LRRC4C: variants seen among roughly 807,000 people sequenced by gnomAD.
LRRC4C encodes leucine-rich repeat-containing protein 4C.
LRRC4C carries 5 observed loss-of-function variants against 33.6 expected under a neutral mutation model. The ratio of observed to expected loss-of-function variants is 0.15; its 90% confidence interval spans 0.08 to 0.31. LRRC4C has a LOEUF of 0.31. LRRC4C is among the 10% of genes least tolerant of loss of function. LRRC4C has a pLI of 1.00. For missense variants in LRRC4C, 560 were observed against 796.7 expected (o/e 0.70, Z 3.58); for synonymous variants, 329 against 302.0 (o/e 1.09, Z -0.93).
chr11:40,655,025 T>C (rs1463340306), intron 2 of LRRC4C, among the ~76,000 whole-genome samples: 1 of 152,194 alleles, frequency 6.6e-6, no homozygotes, highest in Non-Finnish European at 1.5e-5. Flanking sequence ...TCCTGAGGCC[T>C]CCCCAGCCAT....
chr11:41,153,339 CT>C (rs1232177007), intron 1 of LRRC4C, among the ~76,000 whole-genome samples: 1 of 152,084 alleles, frequency 6.6e-6, no homozygotes, highest in African/African-American at 2.4e-5. Context: ...TTTTTCTCAT[CT>C]TTGCATCCCT....
At chr11:40,443,622 T>C (rs1160035565) in intron 3 of LRRC4C, among the ~76,000 whole-genome samples, 3 of 152,206 alleles carry the variant, frequency 2.0e-5, no homozygotes, top group Non-Finnish European at 2.9e-5. Flanking sequence ...AGTATTTACA[T>C]AGCATATTTT....
chr11:41,173,725 A>G (rs1945076746), intron 1 of LRRC4C, among the ~76,000 whole-genome samples: 1 of 152,072 alleles, frequency 6.6e-6, no homozygotes, highest in Non-Finnish European at 1.5e-5. Flanking sequence ...CTTGTCACTA[A>G]TCTGCCACCC....
chr11:40,586,793 G>A (rs554958534), intron 3 of LRRC4C, among the ~76,000 whole-genome samples: 33 of 151,924 alleles, frequency 2.2e-4, no homozygotes, highest in African/African-American at 5.1e-4. Flanking sequence ...GTATATATGC[G>A]GCGTTATTTC....
chr11:40,914,642 C>A (rs1441904355), intron 2 of LRRC4C, among the ~76,000 whole-genome samples: 3 of 152,182 alleles, frequency 2.0e-5, no homozygotes, highest in African/African-American at 7.2e-5. Flanking sequence ...TGGCACAAGA[C>A]AGGGATGCCC....
chr11:40,941,028 C>T (rs764114176), intron 1 of LRRC4C, among the ~76,000 whole-genome samples: 11 of 147,778 alleles, frequency 7.4e-5, no homozygotes, highest in South Asian at 2.1e-4. Flanking sequence ...ATCTTAAATA[C>T]GAAAAATGAA....
At chr11:40,569,884 C>G (rs1957914049) in intron 3 of LRRC4C, among the ~76,000 whole-genome samples, 1 of 151,880 alleles carries the variant, frequency 6.6e-6, no homozygotes, top group Admixed American at 6.6e-5. Context: ...TAGCGAAATA[C>G]TAACAAGCAG....
chr11:40,354,982 A>C (rs1947589313), intron 3 of LRRC4C, among the ~76,000 whole-genome samples: 1 of 152,140 alleles, frequency 6.6e-6, no homozygotes, highest in Admixed American at 6.5e-5. Flanking sequence ...GGTCTTACCC[A>C]AGGCCCACGG....
intron 1 of LRRC4C, among the ~76,000 whole-genome samples, chr11:41,312,181 G>T (rs559304401): frequency 1.3e-5 from 2 of 152,156 alleles, no homozygotes; most frequent in Admixed American, 1.3e-4. Context: ...TCCTTCTGGG[G>T]TTTTCTGTCT....
At chr11:41,261,447 T>C (rs986232219) in intron 1 of LRRC4C, among the ~76,000 whole-genome samples, 3 of 152,070 alleles carry the variant, frequency 2.0e-5, no homozygotes, top group African/African-American at 7.2e-5. Context: ...GAATAGCAAA[T>C]GGGAAATAGA....
intron 1 of LRRC4C, among the ~76,000 whole-genome samples, chr11:41,149,112 A>G (rs1006206778): frequency 3.9e-5 from 6 of 152,298 alleles, no homozygotes; most frequent in African/African-American, 1.4e-4. Flanking sequence ...AAAACAAAAA[A>G]GGATCATTTT....
At chr11:40,244,573 T>C (rs1226163806) in intron 4 of LRRC4C, among the ~76,000 whole-genome samples, 1 of 152,198 alleles carries the variant, frequency 6.6e-6, no homozygotes, top group Non-Finnish European at 1.5e-5. Context: ...TTCCTAATAA[T>C]CATTTACTCC....
At chr11:41,215,332 A>G (rs184668497) in intron 1 of LRRC4C, among the ~76,000 whole-genome samples, 1 of 151,892 alleles carries the variant, frequency 6.6e-6, no homozygotes, top group East Asian at 1.9e-4. Context: ...TACTAAAAAT[A>G]CAAAAAGTAG....
intron 3 of LRRC4C, among the ~76,000 whole-genome samples, chr11:40,368,300 G>A (rs1338207949): frequency 6.6e-6 from 1 of 152,102 alleles, no homozygotes; most frequent in Non-Finnish European, 1.5e-5. Flanking sequence ...TGAAAGGTAA[G>A]AGGACATTGG....
At position 40,956,870 on chromosome 11, in the gene LRRC4C, A is replaced by G. The variant is rs117696572; in HGVS notation, c.-495-23147T>C. Among the ~76,000 whole-genome samples the G allele has an allele frequency of 3.9e-5, 6 of 151,916 alleles. No homozygotes were observed. In the East Asian group the frequency reaches 1.2e-3, roughly 30 times the overall value. ...ATGGAACATTTTGTTATATGAATAA[A>G]GTAAAACAAAAAAAAGAAGAGTTTA... On this transcript the variant is annotated intron_variant, in intron 1 of 6. Coordinates refer to ENST00000528697, the MANE Select transcript of LRRC4C (RefSeq NM_001258419.2).
At chr11:40,692,976 T>C (rs1357228717) in intron 2 of LRRC4C, among the ~76,000 whole-genome samples, 4 of 152,094 alleles carry the variant, frequency 2.6e-5, no homozygotes, top group African/African-American at 9.7e-5. Flanking sequence ...ATGAGATTAA[T>C]ACAGAACTAT....
intron 2 of LRRC4C, among the ~76,000 whole-genome samples, chr11:40,652,791 A>AT (rs1334166808): frequency 6.6e-6 from 1 of 152,110 alleles, no homozygotes; most frequent in Non-Finnish European, 1.5e-5. Flanking sequence ...TTCTTTTAAG[A>AT]TTTTCAGGAG....
chr11:40,400,972 A>G (rs1949735917), intron 3 of LRRC4C, among the ~76,000 whole-genome samples: 1 of 152,130 alleles, frequency 6.6e-6, no homozygotes, highest in Non-Finnish European at 1.5e-5. Flanking sequence ...GTTTAATTTT[A>G]TATCACCATT....
chr11:40,622,061 C>T (rs1962511350), intron 3 of LRRC4C, among the ~76,000 whole-genome samples: 1 of 151,766 alleles, frequency 6.6e-6, no homozygotes, highest in Non-Finnish European at 1.5e-5. Flanking sequence ...CCAGCTTTTA[C>T]TGACAAAGTA....
Sources: allele counts gnomAD v4.1 joint callset (sites outside exome capture counted in the v4.1 genomes callset), GRCh38; gene constraint gnomAD v4.1.1; transcripts MANE v1.5; gene names NCBI Gene and HGNC (gene_info 2026-07-23, HGNC 2026-07-21).